Variants in TBCE observed in about 807,000 individuals in gnomAD.
TBCE encodes the protein tubulin folding cofactor E.
TBCE carries 53 observed loss-of-function variants against 77.0 expected under a neutral mutation model. The ratio of observed to expected loss-of-function variants is 0.69; its 90% CI spans 0.55 to 0.87. The LOEUF (loss-of-function observed/expected upper bound fraction) is 0.87, where lower values mean the gene tolerates loss of function less well. TBCE is among the 40% of genes least tolerant of loss of function. The pLI is 0.00. For synonymous variants in TBCE, 235 were observed against 241.3 expected, an observed-to-expected ratio of 0.97 and a Z score of 0.24; for missense variants, 624 against 622.4, an observed-to-expected ratio of 1.00 and a Z score of -0.03.
At chr1:235,392,055 C>T (rs1572347727) in intron 2 of TBCE, among the ~76,000 whole-genome samples, 1 of 152,006 alleles carries the variant, frequency 6.6e-6, no homozygotes. Flanking sequence ...GGTATGGTGG[C>T]TCATGCCTGT....
intron 1 of TBCE, among the ~76,000 whole-genome samples, chr1:235,378,148 C>T (rs1677411947): frequency 1.3e-5 from 2 of 152,086 alleles, no homozygotes; most frequent in South Asian, 4.1e-4. Context: ...TAGAAAAATA[C>T]TTTGTTCAAT....
In TBCE at chr1:235,438,934, T is replaced by C; in HGVS notation, c.1270+12T>C. The C allele has an allele frequency of 6.2e-7, 1 of 1,614,146 alleles. No homozygotes were observed. The highest frequency in any genetic ancestry group is 8.5e-7 in the Non-Finnish European group (1 of 1,180,032). ...GTTCCTCTGCCTGAGTACGTGCGTA[T>C]ACACTGGTGGCCTTCAGGTGGTGGA... On this transcript the variant is annotated intron_variant, in intron 13 of 16. Coordinates refer to ENST00000642610, the MANE Select transcript of TBCE (RefSeq NM_003193.5).
intron 3 of TBCE, among the ~76,000 whole-genome samples, chr1:235,403,210 T>A (rs945698605): frequency 2.0e-5 from 3 of 152,032 alleles, no homozygotes; most frequent in Non-Finnish European, 4.4e-5. Context: ...GTGAAAGGAC[T>A]TTTTTCTTTT....
At chr1:235,421,863 A>G (rs1358328495) in intron 5 of TBCE, among the ~76,000 whole-genome samples, 2 of 152,228 alleles carry the variant, frequency 1.3e-5, no homozygotes, top group African/African-American at 4.8e-5. Context: ...AAGAGATGCC[A>G]GGTGAAGTAG....
At chr1:235,394,113 C>A (rs1426987124) in intron 2 of TBCE, among the ~76,000 whole-genome samples, 2 of 152,226 alleles carry the variant, frequency 1.3e-5, no homozygotes, top group African/African-American at 4.8e-5. Context: ...CTCGCTCTGT[C>A]GCTCAGGCTG....
intron 4 of TBCE, chr1:235,415,949 C>G (rs961009296): frequency 1.3e-5 from 2 of 152,104 alleles, no homozygotes; most frequent in African/African-American, 2.4e-5. Context: ...AGTTGGATCA[C>G]TTAAGGCCAG....
chr1:235,414,705 C>A, intron 4 of TBCE, 87 bp downstream of exon 4: 1 of 1,331,668 alleles, frequency 7.5e-7, no homozygotes, highest in Non-Finnish European at 1.1e-6. Flanking sequence ...TATGGATGCT[C>A]ATGACTTTGC....
chr1:235,445,907 T>C (rs1383801495), intron 15 of TBCE, among the ~76,000 whole-genome samples: 1 of 152,204 alleles, frequency 6.6e-6, no homozygotes, highest in Non-Finnish European at 1.5e-5. Context: ...CACAAGGCAC[T>C]GTCGTGTGTC....
intron 12 of TBCE, among the ~76,000 whole-genome samples, chr1:235,438,374 C>T (rs375084152): frequency 6.6e-6 from 1 of 151,984 alleles, no homozygotes; most frequent in African/African-American, 2.4e-5. Context: ...GGCGAAACCC[C>T]GTCTCTACTA....
chr1:235,422,250 G>A (rs1440142668), intron 5 of TBCE, among the ~76,000 whole-genome samples: 1 of 152,230 alleles, frequency 6.6e-6, no homozygotes, highest in African/African-American at 2.4e-5. Flanking sequence ...AGTGGCTCAT[G>A]CCTGTAATCC....
chr1:235,413,682 A>G, intron 3 of TBCE, among the ~76,000 whole-genome samples: 1 of 151,740 alleles, frequency 6.6e-6, no homozygotes, highest in Non-Finnish European at 1.5e-5. Context: ...AAAGAAAAAA[A>G]GTAATGATCG....
chr1:235,414,809 G>C lies in TBCE; in HGVS notation c.371+191G>C, dbSNP rs550776585. 5.6e-5 allele frequency: 34 copies of C among 602,476 alleles called. No individual in the cohort carries two copies. The East Asian group carries it at 9.8e-4, about 17-fold the overall frequency. The allele number at this position is 602,476 out of a possible 1,614,324, so 37.3% of individuals were successfully genotyped here. ...AATTAAAATTCTTATGTTAGCACAG[G>C]ATTGGTAGATTTATCCAGTTTGCAA... On this transcript the variant is annotated intron_variant, in intron 4 of 16. Transcript: ENST00000642610.
Position 235,438,936 on chromosome 1 carries a change from C to T in TBCE, c.1270+14C>T, listed in dbSNP as rs2102929670. 1 of 1,614,158 alleles carries T rather than the reference C, an allele frequency of 6.2e-7. No homozygotes were observed. Among genetic ancestry groups the T allele is most frequent in the Non-Finnish European group, 8.5e-7 (1 of 1,180,032 alleles). On this transcript the variant is annotated intron_variant, in intron 13 of 16. Coordinates refer to ENST00000642610, the MANE Select transcript of TBCE (RefSeq NM_003193.5). ...TCCTCTGCCTGAGTACGTGCGTATA[C>T]ACTGGTGGCCTTCAGGTGGTGGATT...
chr1:235,403,104 G>T (rs1030308534), intron 3 of TBCE, among the ~76,000 whole-genome samples: 1 of 152,184 alleles, frequency 6.6e-6, no homozygotes, highest in East Asian at 1.9e-4. Flanking sequence ...CTCTGAATTT[G>T]TTCAGAGCTG....
At position 235,413,154 on chromosome 1, in the gene TBCE, G is replaced by T. The variant is rs537072591; in HGVS notation, c.186-1279G>T. Among the ~76,000 whole-genome samples the T allele has an allele frequency of 1.1e-3, 172 of 152,220 alleles. 4 individuals carry two copies. In the South Asian group the frequency reaches 0.033, roughly 30 times the overall value. On this transcript the variant is annotated intron_variant, in intron 3 of 16. Coordinates refer to ENST00000642610, the MANE Select transcript of TBCE (RefSeq NM_003193.5). ...CTGATTTCTTTCTTTAAGAGTTAAT[G>T]GTTGTTGCCTGGGCAACGTAGTGAG...
chr1:235,377,979 C>T (rs192951435), intron 1 of TBCE, among the ~76,000 whole-genome samples: 19 of 151,900 alleles, frequency 1.3e-4, no homozygotes, highest in African/African-American at 4.6e-4. Context: ...ATAAAAAAAA[C>T]CCATAAAGGT....
chr1:235,375,087 A>C (rs1558343060), intron 1 of TBCE, among the ~76,000 whole-genome samples: 1 of 150,510 alleles, frequency 6.6e-6, no homozygotes. Flanking sequence ...CGCCCGGCTA[A>C]TTTTTTGTAT....
At chr1:235,426,377 CAT>C (rs2102904833) in intron 5 of TBCE, among the ~76,000 whole-genome samples, 1 of 152,178 alleles carries the variant, frequency 6.6e-6, no homozygotes. Context: ...CGCTTTTGCA[CAT>C]GTGTCCCAAG....
chr1:235,378,846 G>A (rs1219550099), intron 1 of TBCE, among the ~76,000 whole-genome samples: 2 of 152,144 alleles, frequency 1.3e-5, no homozygotes, highest in Admixed American at 6.6e-5. Context: ...GGGCAACAGA[G>A]CGAGACTCTG....
Sources: allele counts gnomAD v4.1 joint callset (sites outside exome capture counted in the v4.1 genomes callset), GRCh38; gene constraint gnomAD v4.1.1; transcripts MANE v1.5; gene names NCBI Gene and HGNC (gene_info 2026-07-23, HGNC 2026-07-21).